Variants in PRKAG3 observed in about 807,000 individuals in gnomAD.
PRKAG3 encodes the protein 5'-AMP-activated protein kinase subunit gamma-3.
PRKAG3 carries 39 observed loss-of-function variants against 56.5 expected under a neutral mutation model. The ratio of observed to expected loss-of-function variants is 0.69; its 90% CI spans 0.53 to 0.90. The LOEUF (loss-of-function observed/expected upper bound fraction) is 0.90, where lower values mean the gene tolerates loss of function less well. PRKAG3 is among the 40% of genes least tolerant of loss of function. The pLI, the probability that PRKAG3 is intolerant of heterozygous loss-of-function variation, is 0.00. For missense variants in PRKAG3, 628 were observed against 627.5 expected, an observed-to-expected ratio of 1.00 and a Z score of -0.01; for synonymous variants, 243 against 250.1, an observed-to-expected ratio of 0.97 and a Z score of 0.27.
chr2:218,824,612 G>T, intron 10 of PRKAG3, 36 bp from the exon 11 acceptor site: 1 of 1,575,250 alleles, frequency 6.3e-7, no homozygotes, highest in Non-Finnish European at 8.7e-7. Flanking sequence ...GGGGGAGAAA[G>T]ACAGGGAAGA....
downstream of PRKAG3, chr2:218,822,891 G>A (rs1204768231): frequency 1.8e-5 from 18 of 985,522 alleles, no homozygotes; most frequent in East Asian, 1.1e-4. Flanking sequence ...CCAGTCAGGC[G>A]GCAAGGGGAT....
chr2:218,824,216 C>G lies in PRKAG3; in HGVS notation c.1353+6G>C, dbSNP rs17848611. On this transcript the variant is annotated splice_donor_region_variant and intron_variant, in intron 12 of 12. Coordinates refer to ENST00000529249, the Ensembl canonical transcript of PRKAG3. ...GTTGGGGGCATGAATGGAGGGCACA[C>G]GGTACCTGCTCCCGAGCAATCCTGT... 1 of 1,614,074 alleles carries G rather than the reference C, an allele frequency of 6.2e-7. No individual in the cohort carries two copies. Among genetic ancestry groups the G allele is most frequent in the East Asian group, 2.2e-5 (1 of 44,874 alleles).
At chr2:218,822,679 TA>T (rs1943872391), downstream of PRKAG3, 1 of 165,096 alleles carries the variant, frequency 6.1e-6, no homozygotes, top group South Asian at 2.0e-4. Context: ...GGCAGTTCTA[TA>T]AATAACGGCT....
chr2:218,823,175 G>T, downstream of PRKAG3: 2 of 566,482 alleles, frequency 3.5e-6, no homozygotes, highest in Non-Finnish European at 4.5e-6. Context: ...GATGGAATCT[G>T]TGCCCATCCT....
At chr2:218,828,046 A>G (rs749645808) in exon 6 of PRKAG3, 25 of 1,553,136 alleles carry the variant, frequency 1.6e-5, no homozygotes, top group Non-Finnish European at 2.2e-5. Context: ...GGATGAAGTC[A>G]GTGATGGTCA....
chr2:218,829,832 C>T (rs1031668159), intron 4 of PRKAG3, 146 bp downstream of exon 4: 15 of 889,732 alleles, frequency 1.7e-5, no homozygotes, highest in Non-Finnish European at 2.3e-5. Flanking sequence ...CCTCCCCCAA[C>T]TGGCCTCCAT....
chr2:218,827,721 C>T lies in PRKAG3; in HGVS notation c.821-92G>A. On this transcript the variant is annotated intron_variant, in intron 7 of 12. Transcript: ENST00000529249. This position sits in a 1 kb window ranked among gnomAD's most constrained non-coding sequence, Gnocchi z 5.3. ...CTTCCCTTCCGTCAGGCACCCGAGG[C>T]TCCTATTGTCCCTCCCCTGTTCACT... The T allele has an allele frequency of 6.4e-7, 1 of 1,562,420 alleles. No homozygotes were observed.
intron 5 of PRKAG3, 120 bp from the exon 6 acceptor site, chr2:218,828,182 G>T: frequency 1.0e-6 from 1 of 999,228 alleles, no homozygotes; most frequent in Non-Finnish European, 1.5e-6. Context: ...GGGACTGTGG[G>T]AACAGGACAG....
chr2:218,828,482 T>C (rs1943970210), intron 5 of PRKAG3, 37 bp downstream of exon 5: 4 of 1,571,208 alleles, frequency 2.5e-6, no homozygotes, highest in Non-Finnish European at 3.5e-6. Flanking sequence ...CCCCCTCACC[T>C]CCTCCATCTC....
exon 10 of PRKAG3, chr2:218,826,986 A>G (rs745414489): frequency 3.7e-6 from 6 of 1,614,108 alleles, no homozygotes; most frequent in Non-Finnish European, 5.1e-6. Flanking sequence ...TGTCCAGTGC[A>G]GTCAGGATGG....
intron 3 of PRKAG3, 44 bp downstream of exon 3, chr2:218,830,702 C>T (rs768712185): frequency 5.0e-6 from 8 of 1,596,024 alleles, no homozygotes; most frequent in Non-Finnish European, 5.1e-6. Context: ...TGGGATTTCC[C>T]ACTCCCCTGG....
At chr2:218,823,252 G>GC (rs1247918935), downstream of PRKAG3, 6 of 233,354 alleles carry the variant, frequency 2.6e-5, no homozygotes, top group South Asian at 3.1e-4. Context: ...CCTGAGATGA[G>GC]CACGTAGGTA....
chr2:218,830,801 C>T (rs528195553), exon 3 of PRKAG3: 1 of 1,613,376 alleles, frequency 6.2e-7, no homozygotes, highest in East Asian at 2.2e-5. Flanking sequence ...TTGTCCATCT[C>T]AAGGCTTTGG....
chr2:218,823,719 T>A, exon 13 of PRKAG3: 2 of 1,612,990 alleles, frequency 1.2e-6, no homozygotes, highest in Non-Finnish European at 1.7e-6. Flanking sequence ...CTTCATTGGC[T>A]TCCAGGTGTG....
chr2:218,823,989 G>A lies in PRKAG3; in HGVS notation c.1354-111C>T, dbSNP rs966168549. 78 of 1,264,358 alleles carry A rather than the reference G, an allele frequency of 6.2e-5. No homozygotes were observed. In the East Asian group the frequency reaches 7.0e-4, roughly 11 times the overall value. 78.3% of individuals were successfully genotyped at this position (1,264,358 alleles called of 1,614,324 possible). A position where few individuals can be genotyped will look rare whatever the true frequency, so the allele number is the denominator to read the frequency against. On this transcript the variant is annotated intron_variant, in intron 12 of 12. Coordinates refer to ENST00000529249, the Ensembl canonical transcript of PRKAG3. ...ACCCAACATGACTGAGGGAGAGAGC[G>A]TCTCCTAGAAACCAGTTAGGGATGG...
chr2:218,831,304 G>A lies in PRKAG3; in HGVS notation c.73+32C>T, dbSNP rs115298447. 1,182 of 1,544,838 alleles carry A rather than the reference G, an allele frequency of 7.7e-4. 11 individuals carry two copies. In the African/African-American group the frequency reaches 0.013, roughly 17 times the overall value. On this transcript the variant is annotated intron_variant, in intron 2 of 12. Coordinates refer to ENST00000529249, the Ensembl canonical transcript of PRKAG3. ...GGGGGACAAGGAGGTGGGGGAAGAG[G>A]TTAGGCCCCAGGGAGGGGGCATTCT... is the stretch of plus-strand genomic sequence containing the variant.
Position 218,824,475 on chromosome 2 carries a change from G to GC in PRKAG3, c.1206+63dup, listed in dbSNP as rs560968448. ...GTCAAGGTCCCCCTGGTCCACAGAG[G>GC]CCCCCCACCCATCCCCACACCCTTA... On this transcript the variant is annotated intron_variant, in intron 11 of 12. Coordinates refer to ENST00000529249, the Ensembl canonical transcript of PRKAG3. 1.8e-4 allele frequency: 296 copies of GC among 1,605,070 alleles called. 2 individuals carry two copies. In the East Asian group the frequency reaches 5.9e-3, roughly 32 times the overall value.
At chr2:218,829,522 T>C (rs993857750) in intron 4 of PRKAG3, among the ~76,000 whole-genome samples, 1 of 151,944 alleles carries the variant, frequency 6.6e-6, no homozygotes, top group Non-Finnish European at 1.5e-5. Context: ...GAGATGGGGT[T>C]TCACCATGTT....
intron 10 of PRKAG3, among the ~76,000 whole-genome samples, chr2:218,825,816 G>A (rs1943924107): frequency 6.7e-6 from 1 of 149,894 alleles, no homozygotes; most frequent in African/African-American, 2.5e-5. Flanking sequence ...GAGTACAGTG[G>A]CGCGATCTTG....
Sources: allele counts gnomAD v4.1 joint callset (sites outside exome capture counted in the v4.1 genomes callset), GRCh38; gene constraint gnomAD v4.1.1; non-coding constraint Gnocchi (gnomAD v3.1); transcripts MANE v1.5; gene names NCBI Gene and HGNC (gene_info 2026-07-23, HGNC 2026-07-21).